Variants in SLC25A48 observed in about 807,000 individuals in gnomAD.
The protein encoded by SLC25A48 is CTC-321K16.1.
Under a neutral mutation model 32.2 loss-of-function variants are expected in SLC25A48, and 29 were observed. The observed-to-expected ratio is 0.90, with a 90% confidence interval of 0.67 to 1.23. SLC25A48 has a LOEUF of 1.23. SLC25A48 is among the 50% of genes most tolerant of loss of function. SLC25A48 has a pLI of 0.00. For synonymous variants in SLC25A48, 164 were observed against 172.3 expected, an observed-to-expected ratio of 0.95 and a Z score of 0.38; for missense variants, 399 against 422.7, an observed-to-expected ratio of 0.94 and a Z score of 0.49.
chr5:135,767,551 C>A (rs1195114999), intron 3 of SLC25A48, among the ~76,000 whole-genome samples: 2 of 151,790 alleles, frequency 1.3e-5, no homozygotes, highest in Admixed American at 6.6e-5. Flanking sequence ...TCTGTGTACA[C>A]CCTCTGTGAT....
intron 4 of SLC25A48, among the ~76,000 whole-genome samples, chr5:135,868,700 A>ACG (rs35775318): frequency 6.6e-6 from 1 of 151,758 alleles, no homozygotes; most frequent in Non-Finnish European, 1.5e-5. Context: ...ACACACACAC[A>ACG]CATTCCCTAT....
chr5:135,642,695 G>T (rs1752866877), intron 3 of SLC25A48, among the ~76,000 whole-genome samples: 1 of 152,130 alleles, frequency 6.6e-6, no homozygotes, highest in Admixed American at 6.5e-5. Context: ...TGGATTCTGT[G>T]CTAATCTTTC....
intron 3 of SLC25A48, among the ~76,000 whole-genome samples, chr5:135,800,319 T>C (rs1376806666): frequency 6.6e-6 from 1 of 151,860 alleles, no homozygotes; most frequent in East Asian, 1.9e-4. Context: ...GTATTGTTCT[T>C]AATATTTAGG....
chr5:135,719,876 C>A (rs2126981660), intron 3 of SLC25A48, among the ~76,000 whole-genome samples: 1 of 152,280 alleles, frequency 6.6e-6, no homozygotes, highest in South Asian at 2.1e-4. Flanking sequence ...GATGACACCA[C>A]CTTCCACACT....
At chr5:135,597,032 A>G (rs1751670391) in intron 1 of SLC25A48, among the ~76,000 whole-genome samples, 1 of 152,348 alleles carries the variant, frequency 6.6e-6, no homozygotes, top group South Asian at 2.1e-4. Context: ...GAGACAATGC[A>G]TGTAAAAGCC....
At chr5:135,756,991 CTA>C (rs1283686603) in intron 3 of SLC25A48, among the ~76,000 whole-genome samples, 1 of 149,048 alleles carries the variant, frequency 6.7e-6, no homozygotes, top group Non-Finnish European at 1.5e-5. Context: ...AAAATATCAT[CTA>C]TATAATATTT....
chr5:135,828,484 G>C lies in SLC25A48; in HGVS notation c.-116-13932G>C, dbSNP rs574286369. ...TAAATGACCCAGTGAGCTCCTGCTG[G>C]GGGAGGCTGAACTGCCTGCTCTCAG... is the stretch of plus-strand genomic sequence containing the variant. On this transcript the variant is annotated intron_variant, in intron 4 of 10. Transcript: ENST00000646290. 1.9e-4 allele frequency among the ~76,000 whole-genome samples: 29 copies of C among 152,340 alleles called. No homozygotes were observed. The South Asian group carries it at 6.0e-3, about 32-fold the overall frequency.
intron 3 of SLC25A48, among the ~76,000 whole-genome samples, chr5:135,722,059 G>T (rs1340701722): frequency 6.6e-6 from 1 of 152,222 alleles, no homozygotes; most frequent in Non-Finnish European, 1.5e-5. Context: ...TGGACTCCAT[G>T]TTGTTGTGAA....
chr5:135,579,955 TG>T (rs1751196170), intron 1 of SLC25A48, among the ~76,000 whole-genome samples: 1 of 152,238 alleles, frequency 6.6e-6, no homozygotes, highest in Non-Finnish European at 1.5e-5. Flanking sequence ...ATCTGTAAAG[TG>T]CAGATCATCA....
chr5:135,675,611 A>T (rs772745699), intron 3 of SLC25A48, among the ~76,000 whole-genome samples: 11 of 152,010 alleles, frequency 7.2e-5, no homozygotes, highest in Non-Finnish European at 1.5e-4. Flanking sequence ...ATAATCTTGT[A>T]ATATATTTTA....
intron 3 of SLC25A48, among the ~76,000 whole-genome samples, chr5:135,773,916 AAAG>A (rs1394741825): frequency 6.6e-6 from 1 of 151,536 alleles, no homozygotes; most frequent in Non-Finnish European, 1.5e-5. Context: ...ATCTATAAGG[AAAG>A]AAGAAGATAT....
chr5:135,627,792 C>CG (rs1429106526), intron 1 of SLC25A48, among the ~76,000 whole-genome samples: 1 of 142 alleles, frequency 7.0e-3, no homozygotes, highest in Non-Finnish European at 0.014. Flanking sequence ...AGGAGGGCAT[C>CG]ATGAATGCCC....
chr5:135,739,702 T>C (rs1226727761), intron 3 of SLC25A48, among the ~76,000 whole-genome samples: 4 of 152,232 alleles, frequency 2.6e-5, no homozygotes, highest in South Asian at 4.1e-4. Context: ...TTTCCATGTG[T>C]TGACACTTTG....
chr5:135,838,420 G>A (rs956649629), intron 1 of SLC25A48, among the ~76,000 whole-genome samples: 2 of 152,226 alleles, frequency 1.3e-5, no homozygotes, highest in African/African-American at 4.8e-5. Context: ...CATTATCTGG[G>A]GAGAAATTCA....
chr5:135,815,753 TC>T (rs1450228796), intron 4 of SLC25A48, among the ~76,000 whole-genome samples: 1 of 152,148 alleles, frequency 6.6e-6, no homozygotes, highest in African/African-American at 2.4e-5. Context: ...CAGTGCACCT[TC>T]CCAGAGTGCA....
At chr5:135,840,529 A>G (rs1758903893) in intron 1 of SLC25A48, among the ~76,000 whole-genome samples, 1 of 152,200 alleles carries the variant, frequency 6.6e-6, no homozygotes, top group South Asian at 2.1e-4. Context: ...CATTTTTCTC[A>G]TGACCAAAGA....
intron 3 of SLC25A48, among the ~76,000 whole-genome samples, chr5:135,765,724 C>T (rs1756198872): frequency 6.6e-6 from 1 of 151,264 alleles, no homozygotes; most frequent in Non-Finnish European, 1.5e-5. Flanking sequence ...GTTTCTATAT[C>T]ACAGAGGGTG....
intron 1 of SLC25A48, among the ~76,000 whole-genome samples, chr5:135,619,807 T>G (rs1029417665): frequency 3.9e-5 from 6 of 152,120 alleles, no homozygotes; most frequent in Admixed American, 3.9e-4. Context: ...GGGGTATGGT[T>G]GTTAGGGGAG....
At chr5:135,679,189 G>A (rs1753836609) in intron 3 of SLC25A48, among the ~76,000 whole-genome samples, 1 of 152,200 alleles carries the variant, frequency 6.6e-6, no homozygotes, top group Non-Finnish European at 1.5e-5. Flanking sequence ...GGGCAGGTCA[G>A]TCCCCAGACT....
Sources: gnomAD v4.1 joint callset for allele counts (sites outside exome capture counted in the v4.1 genomes callset) on GRCh38, gnomAD v4.1.1 for gene constraint, MANE v1.5 for transcripts, NCBI Gene and HGNC (gene_info 2026-07-23, HGNC 2026-07-21) for gene names.